CPEB1: variants seen among roughly 807,000 people sequenced by gnomAD.
CPEB1 encodes cytoplasmic polyadenylation element-binding protein 1.
A neutral mutation model predicts 65.8 loss-of-function variants in CPEB1; 7 were observed. That is an observed-to-expected ratio of 0.11 (90% CI 0.06 to 0.20). CPEB1 has a LOEUF of 0.20. Ranked by LOEUF, CPEB1 falls within the 10% of genes least tolerant of loss-of-function variation. The pLI is 1.00. For missense variants in CPEB1, 551 were observed against 712.2 expected (o/e 0.77, Z 2.58); for synonymous variants, 262 against 260.0 (o/e 1.01, Z -0.08).
chr15:82,644,491 C>T (rs1175143138), intron 1 of CPEB1, among the ~76,000 whole-genome samples: 1 of 152,166 alleles, frequency 6.6e-6, no homozygotes, highest in Non-Finnish European at 1.5e-5. Context: ...CCAAACTAGC[C>T]TTCAGGTTGA....
Position 82,546,299 on chromosome 15 carries a change from G to A in CPEB1, c.1656+142C>T, listed in dbSNP as rs180991687. 2.6e-5 allele frequency: 17 copies of A among 664,988 alleles called. No individual in the cohort carries two copies. In the Admixed American group the frequency reaches 3.1e-4, roughly 12 times the overall value. The allele number at this position is 664,988 out of a possible 1,614,324, so 41.2% of individuals were successfully genotyped here. Reference sequence around the variant, plus strand: ...TAATTGTTGTATTTTTAATAGAGACGGGGTTTCACCATGTTGGCCAGGCTG... The same window carrying A: ...TAATTGTTGTATTTTTAATAGAGACAGGGTTTCACCATGTTGGCCAGGCTG... On this transcript the variant is annotated intron_variant, in intron 12 of 12. Coordinates refer to ENST00000684509, the MANE Select transcript of CPEB1 (RefSeq NM_001365242.1).
chr15:82,585,943 C>T (rs191067398), intron 3 of CPEB1, among the ~76,000 whole-genome samples: 14 of 151,470 alleles, frequency 9.2e-5, no homozygotes, highest in Non-Finnish European at 1.6e-4. Flanking sequence ...CAGGCACTAG[C>T]TAGGCAACCA....
chr15:82,570,725 GA>G (rs968701071), intron 4 of CPEB1, among the ~76,000 whole-genome samples: 21 of 146,896 alleles, frequency 1.4e-4, no homozygotes, highest in East Asian at 2.0e-4. Flanking sequence ...AACACAAAGG[GA>G]AAAAAAAAAA....
At position 82,568,742 on chromosome 15, in the gene CPEB1, G is replaced by A. The variant is rs909532611; in HGVS notation, c.460+2602C>T. Among the ~76,000 whole-genome samples the A allele has an allele frequency of 2.0e-5, 3 of 152,090 alleles. No individual in the cohort carries two copies. The South Asian group carries it at 6.2e-4, about 31-fold the overall frequency. On this transcript the variant is annotated intron_variant, in intron 4 of 12. Coordinates refer to ENST00000684509, the MANE Select transcript of CPEB1 (RefSeq NM_001365242.1). ...CCCTATCATAGCAGATGCAGCACTC[G>A]GTATACCTCCTCATTTGTTTTCCTT...
At chr15:82,563,870 T>C (rs1306850884) in intron 4 of CPEB1, among the ~76,000 whole-genome samples, 6 of 152,146 alleles carry the variant, frequency 3.9e-5, no homozygotes, top group African/African-American at 1.2e-4. Context: ...CAATTCCCAT[T>C]TGGCTTTCTT....
chr15:82,642,308 C>T (rs749358626), intron 1 of CPEB1, among the ~76,000 whole-genome samples: 16 of 152,216 alleles, frequency 1.1e-4, no homozygotes, highest in Non-Finnish European at 1.9e-4. Context: ...AATCCCAATA[C>T]TCTGGGAGGC....
At chr15:82,603,069 T>C (rs2043258157) in intron 3 of CPEB1, among the ~76,000 whole-genome samples, 1 of 152,138 alleles carries the variant, frequency 6.6e-6, no homozygotes, top group Non-Finnish European at 1.5e-5. Context: ...TAGCTGAATC[T>C]TGGTAAGAAC....
chr15:82,571,687 G>GGGAC, intron 3 of CPEB1, 155 bp from the exon 4 acceptor site: 1 of 1,438,174 alleles, frequency 7.0e-7, no homozygotes, highest in South Asian at 1.5e-5. Flanking sequence ...TGCACTTTTG[G>GGGAC]GGACGCTGGG....
upstream of CPEB1, chr15:82,648,774 GCGACCTGATAC>G (rs1378437799): frequency 6.6e-6 from 1 of 152,318 alleles, no homozygotes; most frequent in East Asian, 1.9e-4. Context: ...TGAGGATGAT[GCGACCTGATAC>G]CGCCGGAGGG....
intron 3 of CPEB1, 196 bp from the exon 4 acceptor site, chr15:82,571,728 C>A: frequency 7.0e-7 from 1 of 1,423,170 alleles, no homozygotes; most frequent in Non-Finnish European, 9.1e-7. Context: ...GGCCCCCTCC[C>A]CTCACACACA....
chr15:82,636,872 C>G (rs1396820033), intron 1 of CPEB1, among the ~76,000 whole-genome samples: 2 of 152,160 alleles, frequency 1.3e-5, no homozygotes, highest in Non-Finnish European at 2.9e-5. Flanking sequence ...TTAGATACAT[C>G]AAGAGAAATA....
chr15:82,547,808 A>G (rs988275496), intron 10 of CPEB1, among the ~76,000 whole-genome samples: 20 of 152,174 alleles, frequency 1.3e-4, no homozygotes, highest in Non-Finnish European at 8.8e-5. Context: ...AGTAGCTGGG[A>G]CTACAAGCAT....
chr15:82,572,648 T>C (rs2040198852), intron 3 of CPEB1, among the ~76,000 whole-genome samples: 1 of 152,160 alleles, frequency 6.6e-6, no homozygotes, highest in Non-Finnish European at 1.5e-5. Context: ...GTCTCTGAAG[T>C]ATCGTTACGC....
chr15:82,596,168 G>C (rs1474553042), intron 3 of CPEB1, among the ~76,000 whole-genome samples: 1 of 152,028 alleles, frequency 6.6e-6, no homozygotes, highest in African/African-American at 2.4e-5. Context: ...ATTCCTAAAG[G>C]ATTCAAAACA....
chr15:82,615,067 G>C (rs923057359), intron 3 of CPEB1, among the ~76,000 whole-genome samples: 1 of 152,148 alleles, frequency 6.6e-6, no homozygotes, highest in African/African-American at 2.4e-5. Flanking sequence ...TGTGTCTAAA[G>C]AGGAAATTTA....
chr15:82,571,052 C>T (rs1448225500), intron 4 of CPEB1, among the ~76,000 whole-genome samples: 1 of 152,172 alleles, frequency 6.6e-6, no homozygotes, highest in Non-Finnish European at 1.5e-5. Flanking sequence ...ATCTTTTCTG[C>T]ACAAGGCCAC....
intron 3 of CPEB1, among the ~76,000 whole-genome samples, chr15:82,621,290 C>T (rs998765347): frequency 6.7e-6 from 1 of 150,208 alleles, no homozygotes; most frequent in South Asian, 2.1e-4. Context: ...CTGAGACCAG[C>T]CTGGGCAACA....
At chr15:82,630,451 A>G (rs1274612837) in intron 1 of CPEB1, among the ~76,000 whole-genome samples, 1 of 152,086 alleles carries the variant, frequency 6.6e-6, no homozygotes, top group African/African-American at 2.4e-5. Flanking sequence ...CAAAAAATAC[A>G]AAACATTAGA....
At chr15:82,572,464 G>C (rs550683870) in intron 3 of CPEB1, among the ~76,000 whole-genome samples, 6 of 152,248 alleles carry the variant, frequency 3.9e-5, no homozygotes, top group African/African-American at 1.4e-4. Flanking sequence ...CCACATGCCA[G>C]AGTGAGACCT....
Sources: allele counts gnomAD v4.1 joint callset (sites outside exome capture counted in the v4.1 genomes callset), GRCh38; gene constraint gnomAD v4.1.1; transcripts MANE v1.5; gene names NCBI Gene and HGNC (gene_info 2026-07-23, HGNC 2026-07-21).